The following HDX variants were observed in gnomAD, a reference collection of about 807,000 sequenced individuals.
The protein encoded by HDX is chromosome X open reading frame 43.
Under a neutral mutation model 45.2 loss-of-function variants are expected in HDX, and 19 were observed. That is an observed-to-expected ratio of 0.42 (90% CI 0.29 to 0.62). The LOEUF is 0.62. Ranked by LOEUF, HDX falls within the 20% of genes least tolerant of loss-of-function variation. HDX has a pLI of 0.20. For synonymous variants in HDX, 188 were observed against 172.8 expected (o/e 1.09, Z -0.69); for missense variants, 532 against 493.9 (o/e 1.08, Z -0.73).
intron 5 of HDX, among the ~76,000 whole-genome samples, chrX:84,421,471 TCA>T (rs2039251322): frequency 9.0e-6 from 1 of 110,690 alleles, no homozygotes; most frequent in South Asian, 3.8e-4. Flanking sequence ...AAAATTACCT[TCA>T]GTAGAGGAAG....
At chrX:84,473,092 C>A (rs1329554808) in intron 3 of HDX, among the ~76,000 whole-genome samples, 2 of 108,832 alleles carry the variant, frequency 1.8e-5, no homozygotes, top group East Asian at 2.9e-4. Context: ...TGTTTCAGTT[C>A]TTTCTTAGAA....
At chrX:84,373,999 T>G (rs5968305) in intron 5 of HDX, among the ~76,000 whole-genome samples, 1,195 of 108,506 alleles carry the variant, frequency 0.011, 19 homozygotes, top group African/African-American at 0.039. Context: ...TGATTGTATA[T>G]CTAGAAAACC....
chrX:84,464,872 A>C (rs2040312878), intron 4 of HDX, among the ~76,000 whole-genome samples: 2 of 111,982 alleles, frequency 1.8e-5, no homozygotes, highest in Admixed American at 1.9e-4. Context: ...AGAAACTATC[A>C]TCAGAGTGAA....
At chrX:84,481,110 A>C (rs1343677207) in intron 2 of HDX, among the ~76,000 whole-genome samples, 2 of 111,308 alleles carry the variant, frequency 1.8e-5, no homozygotes, top group Non-Finnish European at 3.8e-5. Flanking sequence ...TTGAACTCAA[A>C]GGTATAAGGT....
chrX:84,455,562 G>A (rs2040095262), intron 4 of HDX, among the ~76,000 whole-genome samples: 1 of 111,299 alleles, frequency 9.0e-6, no homozygotes, highest in Non-Finnish European at 1.9e-5. Context: ...AAATAATGAA[G>A]CATGCCTACA....
At position 84,355,794 on chromosome X, in the gene HDX, C is replaced by A. The variant is rs191559044; in HGVS notation, c.1452+5672G>T. 2.6e-3 allele frequency among the ~76,000 whole-genome samples: 283 copies of A among 108,471 alleles called. 2 individuals carry two copies. Among genetic ancestry groups the A allele is most frequent in the African/African-American group, 9.2e-3 (273 of 29,650 alleles). The allele number at this position is 108,471 out of a possible 115,157, so 94.2% of individuals were successfully genotyped here. A position where few individuals can be genotyped will look rare whatever the true frequency, so the allele number is the denominator to read the frequency against. ...TAATGAGTGCAGCACACCAACATGG[C>A]ACAAGTATACGCACGTAACAAACCT... On this transcript the variant is annotated intron_variant, in intron 6 of 10. Coordinates refer to ENST00000373177, the MANE Select transcript of HDX (RefSeq NM_001177479.2).
chrX:84,362,442 G>T (rs1569295465), intron 5 of HDX, among the ~76,000 whole-genome samples: 1 of 109,046 alleles, frequency 9.2e-6, no homozygotes, highest in African/African-American at 3.3e-5. Flanking sequence ...TTTTCTAGTT[G>T]TTTTTTTTTC....
chrX:84,339,212 G>A (rs1388927501), intron 7 of HDX, among the ~76,000 whole-genome samples: 2 of 111,155 alleles, frequency 1.8e-5, no homozygotes, highest in Admixed American at 9.6e-5. Context: ...TTTAAAGAAC[G>A]GTTCATAGAC....
In HDX at chrX:84,322,017, G is replaced by T; in HGVS notation, c.1948-3C>A. ...GGAGGTAAATCTGACAGCAGTGCCTGAATAAAAAAAATAATATTTTTGGAT... is the reference window on the plus strand; with the variant it reads ...GGAGGTAAATCTGACAGCAGTGCCTTAATAAAAAAAATAATATTTTTGGAT... On this transcript the variant is annotated splice_polypyrimidine_tract_variant and splice_region_variant and intron_variant, in intron 10 of 10. Transcript: ENST00000373177. The T allele has an allele frequency of 8.8e-7, 1 of 1,135,543 alleles. No individual in the cohort carries two copies. Among genetic ancestry groups the T allele is most frequent in the Non-Finnish European group, 1.2e-6 (1 of 847,479 alleles). 93.6% of individuals were successfully genotyped at this position (1,135,543 alleles called of 1,213,427 possible).
At chrX:84,466,039 A>T (rs1359298870) in intron 4 of HDX, among the ~76,000 whole-genome samples, 1 of 112,024 alleles carries the variant, frequency 8.9e-6, no homozygotes, top group Non-Finnish European at 1.9e-5. Context: ...AGGTTGGCTT[A>T]CACAGGTCTG....
intron 7 of HDX, among the ~76,000 whole-genome samples, chrX:84,343,733 T>C (rs911381661): frequency 9.0e-6 from 1 of 111,550 alleles, no homozygotes; most frequent in Non-Finnish European, 1.9e-5. Context: ...AATATTATTT[T>C]AATTATTTTT....
chrX:84,456,450 A>C (rs2040115379), intron 4 of HDX, among the ~76,000 whole-genome samples: 1 of 111,427 alleles, frequency 9.0e-6, no homozygotes, highest in African/African-American at 3.3e-5. Context: ...TAAAAGGAAG[A>C]AAAGGAGAAA....
At chrX:84,391,846 A>G (rs1245126382) in intron 5 of HDX, among the ~76,000 whole-genome samples, 1 of 111,825 alleles carries the variant, frequency 8.9e-6, no homozygotes. Context: ...TTAGTCCCTT[A>G]TCAAATGAAT....
At chrX:84,435,667 T>C (rs112420530) in intron 5 of HDX, among the ~76,000 whole-genome samples, 22,041 of 103,756 alleles carry the variant, frequency 0.21, 2,152 homozygotes, top group Non-Finnish European at 0.27. Flanking sequence ...AATGCCTAGG[T>C]TTTCTTCTAG....
Position 84,361,456 on chromosome X carries a change from A to G in HDX, c.1452+10T>C. 5.0e-6 allele frequency: 6 copies of G among 1,201,181 alleles called. No individual in the cohort carries two copies. The highest frequency in any genetic ancestry group is 6.8e-6 in the Non-Finnish European group (6 of 888,650). On this transcript the variant is annotated intron_variant, in intron 6 of 10. Transcript: ENST00000373177. Reference sequence around the variant, plus strand: ...CAACTATAGCATGAAAATTATAGAAAATGTCTTACCCGAACTATTTCACAG... The same window carrying G: ...CAACTATAGCATGAAAATTATAGAAGATGTCTTACCCGAACTATTTCACAG...
At chrX:84,375,082 A>T (rs1275483321) in intron 5 of HDX, among the ~76,000 whole-genome samples, 1 of 103,687 alleles carries the variant, frequency 9.6e-6, no homozygotes, top group Non-Finnish European at 2.0e-5. Flanking sequence ...AAAGTGGGCA[A>T]AGGATATGAA....
At position 84,321,779 on chromosome X, in the gene HDX, CAAT is replaced by C; in HGVS notation, c.*107_*109del. 1 of 585,475 alleles carries C rather than the reference CAAT, an allele frequency of 1.7e-6. No homozygotes were observed. The highest frequency in any genetic ancestry group is 2.6e-6 in the Non-Finnish European group (1 of 385,588). 48.2% of individuals were successfully genotyped at this position (585,475 alleles called of 1,213,427 possible). ...TCTTCACAGAATACGTCCGTTTCAACAATGTGTTTTCCCAACTAAAGAATACCA... is the reference window on the plus strand; with the variant it reads ...TCTTCACAGAATACGTCCGTTTCAACGTGTTTTCCCAACTAAAGAATACCA... On this transcript the variant is annotated 3_prime_UTR_variant, in exon 11 of 11. Transcript: ENST00000373177.
intron 6 of HDX, among the ~76,000 whole-genome samples, chrX:84,348,177 C>A (rs1008740217): frequency 1.8e-5 from 2 of 111,221 alleles, no homozygotes; most frequent in Non-Finnish European, 3.8e-5. Flanking sequence ...TTGTTTTATG[C>A]TCTCCAGTTT....
At chrX:84,476,552 A>G (rs2040558049) in intron 2 of HDX, among the ~76,000 whole-genome samples, 1 of 106,623 alleles carries the variant, frequency 9.4e-6, no homozygotes, top group Admixed American at 1.0e-4. Flanking sequence ...CTCAAAAAAA[A>G]AAAAAAAAAA....
Sources: allele counts gnomAD v4.1 joint callset (sites outside exome capture counted in the v4.1 genomes callset), GRCh38; gene constraint gnomAD v4.1.1; transcripts MANE v1.5; gene names NCBI Gene and HGNC (gene_info 2026-07-23, HGNC 2026-07-21).